The following CFAP54 variants were observed in gnomAD, a reference collection of about 807,000 sequenced individuals.
CFAP54 encodes cilia- and flagella-associated protein 54.
A neutral mutation model predicts 370.4 loss-of-function variants in CFAP54; 290 were observed. The ratio of observed to expected loss-of-function variants is 0.78; its 90% CI spans 0.71 to 0.86. CFAP54 has a LOEUF of 0.86. Ranked by LOEUF, CFAP54 falls within the 40% of genes least tolerant of loss-of-function variation. The probability of loss-of-function intolerance (pLI) is 0.00; values close to 1 mark genes in which losing one functional copy is unlikely to be tolerated. For missense variants in CFAP54, 3,399 were observed against 3,528.7 expected (o/e 0.96, Z 0.93); for synonymous variants, 1,206 against 1,236.5 (o/e 0.98, Z 0.52).
intron 55 of CFAP54, among the ~76,000 whole-genome samples, chr12:96,745,806 A>G (rs1214344949): frequency 6.6e-6 from 1 of 152,258 alleles, no homozygotes; most frequent in Admixed American, 6.5e-5. Context: ...TTACAAATAT[A>G]GGAATTGTCA....
chr12:96,510,018 C>G (rs1173897647), intron 4 of CFAP54, among the ~76,000 whole-genome samples: 1 of 151,822 alleles, frequency 6.6e-6, no homozygotes, highest in African/African-American at 2.4e-5. Flanking sequence ...TGGCTCACGC[C>G]TGTAATCCTA....
At chr12:96,645,339 C>T in intron 33 of CFAP54, 1 of 320,072 alleles carries the variant, frequency 3.1e-6, no homozygotes, top group South Asian at 2.6e-5. Flanking sequence ...TGAGTGAACT[C>T]CCATTCACAA....
At chr12:96,809,678 T>C (rs1958912624) in intron 63 of CFAP54, among the ~76,000 whole-genome samples, 1 of 152,234 alleles carries the variant, frequency 6.6e-6, no homozygotes, top group African/African-American at 2.4e-5. Flanking sequence ...GACTGTCTAC[T>C]TATGTTTGAA....
chr12:96,502,429 A>G (rs916092928), intron 2 of CFAP54, among the ~76,000 whole-genome samples: 1 of 150,182 alleles, frequency 6.7e-6, no homozygotes, highest in African/African-American at 2.4e-5. Flanking sequence ...AGGTATTTAT[A>G]ATTCTGAAAA....
At chr12:96,595,235 C>T (rs1397739802) in intron 25 of CFAP54, among the ~76,000 whole-genome samples, 1 of 152,078 alleles carries the variant, frequency 6.6e-6, no homozygotes, top group Non-Finnish European at 1.5e-5. Flanking sequence ...TGGAGAGTCT[C>T]CTCCAGTATG....
chr12:96,729,468 G>A (rs922297456), intron 50 of CFAP54, among the ~76,000 whole-genome samples: 1 of 152,186 alleles, frequency 6.6e-6, no homozygotes. Flanking sequence ...TTCCATGGGC[G>A]TGGGCGTAGG....
At chr12:96,734,866 C>T (rs1036054789) in intron 50 of CFAP54, among the ~76,000 whole-genome samples, 1 of 152,032 alleles carries the variant, frequency 6.6e-6, no homozygotes, top group African/African-American at 2.4e-5. Context: ...TTACACCAAC[C>T]ATACATAGAA....
At chr12:96,866,923 G>A (rs1324159004) in intron 67 of CFAP54, among the ~76,000 whole-genome samples, 1 of 152,180 alleles carries the variant, frequency 6.6e-6, no homozygotes, top group African/African-American at 2.4e-5. Flanking sequence ...TTCCCTAAGT[G>A]TAACATAGAC....
intron 39 of CFAP54, among the ~76,000 whole-genome samples, chr12:96,672,644 G>C (rs1483636927): frequency 6.6e-6 from 1 of 152,182 alleles, no homozygotes; most frequent in Non-Finnish European, 1.5e-5. Flanking sequence ...GGTCAATCAT[G>C]TGTGATGAGT....
rs539833872 is a variant in CFAP54, at chr12:96,708,710, C to T, written c.6631C>T (p.Leu2211=). 2.5e-6 allele frequency: 4 copies of T among 1,611,890 alleles called. No individual in the cohort carries two copies. The highest frequency in any genetic ancestry group is 4.5e-5 in the East Asian group (2 of 44,786). The change falls in exon 48 of 68, where the codon CTA becomes TTA. Residue 2211 remains leucine (L), a synonymous_variant. Transcript: ENST00000524981. ...TAATTTTGTTAAAGCATACTTTTTC[C>T]TAAGTGTGGCTGCGACAATAAATTG... ...KFNFVKAYFF[L]SVAATINCVP...
At chr12:96,629,968 C>CA (rs1327462773) in intron 30 of CFAP54, 125 bp from the exon 31 acceptor site, 1 of 443,528 alleles carries the variant, frequency 2.3e-6, no homozygotes, top group Non-Finnish European at 4.0e-6. Flanking sequence ...CAAATTGATG[C>CA]ATAGGACACA....
chr12:96,800,650 C>A (rs1232332366), intron 63 of CFAP54, among the ~76,000 whole-genome samples: 2 of 152,150 alleles, frequency 1.3e-5, no homozygotes, highest in Non-Finnish European at 2.9e-5. Context: ...TTTAAGCATT[C>A]ATCTACTCAT....
chr12:96,531,712 CT>C (rs1255436247), intron 9 of CFAP54, among the ~76,000 whole-genome samples: 1 of 152,028 alleles, frequency 6.6e-6, no homozygotes, highest in African/African-American at 2.4e-5. Flanking sequence ...CAATGATATA[CT>C]TTTTTGTTAT....
chr12:96,544,456 T>C (rs73375904), intron 14 of CFAP54, among the ~76,000 whole-genome samples: 23,990 of 147,902 alleles, frequency 0.16, 3,032 homozygotes, highest in East Asian at 0.52. Context: ...CTTTCTACTT[T>C]CCTCCTTTCT....
intron 64 of CFAP54, among the ~76,000 whole-genome samples, chr12:96,812,915 A>C (rs1958941415): frequency 6.9e-6 from 1 of 144,800 alleles, no homozygotes; most frequent in Admixed American, 6.9e-5. Context: ...CCTTCCCTCC[A>C]CTCCTCTCCT....
intron 17 of CFAP54, among the ~76,000 whole-genome samples, chr12:96,558,239 T>G (rs549069597): frequency 6.6e-6 from 1 of 152,042 alleles, no homozygotes; most frequent in South Asian, 2.1e-4. Flanking sequence ...AAATTGAAAG[T>G]TTTCCTAGGT....
chr12:96,714,066 A>AAACTTTTAATT, intron 48 of CFAP54, among the ~76,000 whole-genome samples: 1 of 152,332 alleles, frequency 6.6e-6, no homozygotes, highest in Middle Eastern at 3.4e-3. Context: ...CTGTATTGAG[A>AAACTTTTAATT]CTAGGTTAGG....
intron 2 of CFAP54, among the ~76,000 whole-genome samples, chr12:96,502,802 T>A (rs531415637): frequency 2.6e-5 from 4 of 152,136 alleles, no homozygotes; most frequent in Non-Finnish European, 4.4e-5. Flanking sequence ...GCCCTGTGGG[T>A]TACAGAAATG....
chr12:96,630,937 A>G (rs1956601158), intron 32 of CFAP54, among the ~76,000 whole-genome samples: 1 of 152,042 alleles, frequency 6.6e-6, no homozygotes, highest in South Asian at 2.1e-4. Flanking sequence ...TAGGAGAACA[A>G]ATTGGTAAAT....
Sources: allele counts gnomAD v4.1 joint callset (sites outside exome capture counted in the v4.1 genomes callset), GRCh38; gene constraint gnomAD v4.1.1; transcripts MANE v1.5; gene names NCBI Gene and HGNC (gene_info 2026-07-23, HGNC 2026-07-21).